EPSTI1: variants seen among roughly 807,000 people sequenced by gnomAD.
EPSTI1 encodes epithelial-stromal interaction protein 1.
Under a neutral mutation model 49.9 loss-of-function variants are expected in EPSTI1, and 66 were observed. The observed-to-expected ratio is 1.32, with a 90% confidence interval of 1.08 to 1.62. The LOEUF (loss-of-function observed/expected upper bound fraction) is 1.62, where lower values mean the gene tolerates loss of function less well. Among genes scored for constraint, EPSTI1 ranks in the 40% most tolerant of loss-of-function variants. EPSTI1 has a pLI of 0.00. For missense variants in EPSTI1, 394 were observed against 365.5 expected, an observed-to-expected ratio of 1.08 and a Z score of -0.64; for synonymous variants, 137 against 130.7, an observed-to-expected ratio of 1.05 and a Z score of -0.33.
chr13:42,947,259 A>G (rs1251252425), intron 6 of EPSTI1, among the ~76,000 whole-genome samples: 3 of 151,898 alleles, frequency 2.0e-5, no homozygotes, highest in Admixed American at 6.6e-5. Context: ...CTTTTAACAC[A>G]TATCAGGCAC....
chr13:42,963,282 T>C lies in EPSTI1; in HGVS notation c.462A>G (p.Gln154=), dbSNP rs1207036059. The C allele has an allele frequency of 5.0e-6, 8 of 1,613,740 alleles. No individual in the cohort carries two copies. The highest frequency in any genetic ancestry group is 1.7e-6 in the Non-Finnish European group (2 of 1,179,930). ...TCTCTCTCTGAATTGCCTTCATTTT[T>C]TGGAGTTCAGCTTCTTCAGCTTCCT... ...IKKEAEEAEL[Q]KMKAIQREKS... The change falls in exon 5 of 11, where the codon CAA becomes CAG. Residue 154 remains glutamine, a synonymous_variant. Coordinates refer to ENST00000313624, the MANE Select transcript of EPSTI1 (RefSeq NM_033255.5).
chr13:42,893,153 T>C (rs1261175245), intron 10 of EPSTI1, among the ~76,000 whole-genome samples: 1 of 152,206 alleles, frequency 6.6e-6, no homozygotes, highest in African/African-American at 2.4e-5. Context: ...GAGGCACCTT[T>C]TGATGTTTTA....
intron 3 of EPSTI1, among the ~76,000 whole-genome samples, 173 bp downstream of exon 3, chr13:42,968,915 AAAAAAT>A (rs1375921016): frequency 2.1e-4 from 14 of 68,072 alleles, no homozygotes; most frequent in African/African-American, 9.3e-4. Flanking sequence ...CAGAAAAAAA[AAAAAAT>A]ACACACACAC....
rs2038019780 is a variant in EPSTI1 at position 42,922,132 on chromosome 13, G to A, written c.657+4204C>T. Reference sequence around the variant, plus strand: ...AATTACTGAATAATTATAAGAATGAGAGGAAGAAATGAGTTAATAAGGTCT... The same window carrying A: ...AATTACTGAATAATTATAAGAATGAAAGGAAGAAATGAGTTAATAAGGTCT... On this transcript the variant is annotated intron_variant, in intron 7 of 10. Coordinates refer to ENST00000313624, the MANE Select transcript of EPSTI1 (RefSeq NM_033255.5). The surrounding 1 kb of genome is among the most constrained non-coding windows in gnomAD (Gnocchi z 4.8). Among the ~76,000 whole-genome samples the A allele has an allele frequency of 6.6e-6, 1 of 152,182 alleles. No individual in the cohort carries two copies. The highest frequency in any genetic ancestry group is 2.4e-5 in the African/African-American group (1 of 41,440).
At chr13:42,976,796 T>A (rs1170251013) in intron 1 of EPSTI1, among the ~76,000 whole-genome samples, 2 of 152,224 alleles carry the variant, frequency 1.3e-5, no homozygotes, top group African/African-American at 4.8e-5. Context: ...CATTTAAAAG[T>A]CACATATAAT....
chr13:42,899,155 G>GC (rs2037281423), intron 9 of EPSTI1, among the ~76,000 whole-genome samples: 1 of 150,146 alleles, frequency 6.7e-6, no homozygotes, highest in African/African-American at 2.5e-5. Context: ...CCGAGATCCT[G>GC]CCACCGCACT....
At chr13:42,989,872 C>T (rs1439325078) in intron 1 of EPSTI1, among the ~76,000 whole-genome samples, 2 of 151,960 alleles carry the variant, frequency 1.3e-5, no homozygotes, top group Non-Finnish European at 2.9e-5. Flanking sequence ...GGATTACAGG[C>T]GTGAGACACC....
intron 1 of EPSTI1, among the ~76,000 whole-genome samples, chr13:42,983,995 A>G (rs2040035042): frequency 6.6e-6 from 1 of 152,230 alleles, no homozygotes; most frequent in Admixed American, 6.5e-5. Flanking sequence ...TTCAAAAATA[A>G]GTCAAATAGT....
In EPSTI1 at chr13:42,886,919, TC is replaced by T. The variant is rs1445318576; in HGVS notation, c.*1574del. 6.6e-6 allele frequency: 1 copy of T among 152,130 alleles called. No homozygotes were observed. The highest frequency in any genetic ancestry group is 2.4e-5 in the African/African-American group (1 of 41,418). The allele number at this position is 152,130 out of a possible 1,614,324, so 9.4% of individuals were successfully genotyped here. A position where few individuals can be genotyped will look rare whatever the true frequency, so the allele number is the denominator to read the frequency against. ...TAAGAAAGCATCCCTTTTTCCTACG[TC>T]AACTCCTGGTTGCATGCTGGAAAAT... On this transcript the variant is annotated 3_prime_UTR_variant, in exon 11 of 11. Transcript: ENST00000313624.
intron 9 of EPSTI1, among the ~76,000 whole-genome samples, chr13:42,897,605 A>G (rs948797345): frequency 1.3e-5 from 2 of 152,222 alleles, no homozygotes; most frequent in African/African-American, 4.8e-5. Context: ...ATTGCTCTCA[A>G]TTCACTCAAA....
intron 1 of EPSTI1, among the ~76,000 whole-genome samples, chr13:42,985,668 G>C (rs1886153): frequency 6.6e-6 from 1 of 152,036 alleles, no homozygotes; most frequent in Non-Finnish European, 1.5e-5. Flanking sequence ...GAGGAGTTCT[G>C]CATGGGCCAG....
intron 8 of EPSTI1, among the ~76,000 whole-genome samples, chr13:42,916,436 C>T (rs774823444): frequency 1.3e-5 from 2 of 151,854 alleles, no homozygotes; most frequent in African/African-American, 4.8e-5. Flanking sequence ...ATATGCTGGG[C>T]GAAACTATGA....
chr13:42,925,859 C>T (rs898116156), intron 7 of EPSTI1, among the ~76,000 whole-genome samples: 2 of 152,178 alleles, frequency 1.3e-5, no homozygotes, highest in African/African-American at 4.8e-5. Context: ...CCTGATAAGG[C>T]AGTAGTGCTT....
In EPSTI1 at chr13:42,889,214, A is replaced by C. The variant is rs572863853; in HGVS notation, c.916-712T>G. ...GGGATGTTTTTAAGTGACCCACCTT[A>C]GGTGCCTCGAAAAAACTAATAGAGA... is the stretch of plus-strand genomic sequence containing the variant. On this transcript the variant is annotated intron_variant, in intron 10 of 10. Coordinates refer to ENST00000313624, the MANE Select transcript of EPSTI1 (RefSeq NM_033255.5). 6.8e-5 allele frequency: 107 copies of C among 1,572,250 alleles called. 1 individual carries two copies. The South Asian group carries it at 1.2e-3, about 18-fold the overall frequency.
chr13:42,915,751 T>TA (rs1293418278), intron 8 of EPSTI1, among the ~76,000 whole-genome samples: 2 of 152,136 alleles, frequency 1.3e-5, no homozygotes, highest in African/African-American at 4.8e-5. Flanking sequence ...GGATATATAA[T>TA]AAAAATATGT....
At position 42,988,753 on chromosome 13, in the gene EPSTI1, A is replaced by G. The variant is rs73472167; in HGVS notation, c.188+3225T>C. Among the ~76,000 whole-genome samples, 680 of 151,910 alleles carry G rather than the reference A, an allele frequency of 4.5e-3. 7 individuals carry two copies. Among genetic ancestry groups the G allele is most frequent in the African/African-American group, 0.015 (629 of 41,424 alleles). ...CTCAAAAAAAAAAAAAAAGAACTCA[A>G]TCTTGTCTGAGAGTCTATCAGAGGT... is the stretch of plus-strand genomic sequence containing the variant. On this transcript the variant is annotated intron_variant, in intron 1 of 10. Transcript: ENST00000313624.
At chr13:42,930,851 T>C (rs1028818105) in intron 6 of EPSTI1, among the ~76,000 whole-genome samples, 1 of 152,212 alleles carries the variant, frequency 6.6e-6, no homozygotes, top group Non-Finnish European at 1.5e-5. Flanking sequence ...TAAATATCTA[T>C]TTAAAATTAC....
chr13:42,981,470 A>G (rs2039985663), intron 1 of EPSTI1, among the ~76,000 whole-genome samples: 1 of 152,204 alleles, frequency 6.6e-6, no homozygotes. Context: ...AAGACTTTTT[A>G]GCAATTCCCA....
intron 3 of EPSTI1, among the ~76,000 whole-genome samples, chr13:42,968,556 A>G (rs1311694727): frequency 1.3e-5 from 2 of 152,140 alleles, no homozygotes; most frequent in African/African-American, 2.4e-5. Context: ...CAGACAATTC[A>G]TCACACTGGC....
Sources: gnomAD v4.1 joint callset for allele counts (sites outside exome capture counted in the v4.1 genomes callset) on GRCh38, gnomAD v4.1.1 for gene constraint, Gnocchi (gnomAD v3.1) non-coding constraint, MANE v1.5 for transcripts, NCBI Gene and HGNC (gene_info 2026-07-23, HGNC 2026-07-21) for gene names.